The following SPATA1 variants were observed in gnomAD, a reference collection of about 807,000 sequenced individuals.
SPATA1 encodes the protein spermatogenesis-associated protein 1.
Under a neutral mutation model 59.6 loss-of-function variants are expected in SPATA1, and 57 were observed. That is an observed-to-expected ratio of 0.96 (90% CI 0.77 to 1.19). SPATA1 has a LOEUF of 1.19. Among genes scored for constraint, SPATA1 ranks in the 50% most tolerant of loss-of-function variants. The pLI, the probability that SPATA1 is intolerant of heterozygous loss-of-function variation, is 0.00. For missense variants in SPATA1, 448 were observed against 480.7 expected, an observed-to-expected ratio of 0.93 and a Z score of 0.64; for synonymous variants, 147 against 163.9, an observed-to-expected ratio of 0.90 and a Z score of 0.79.
exon 3 of SPATA1, chr1:84,520,642 A>G: frequency 6.3e-7 from 1 of 1,581,508 alleles, no homozygotes. Context: ...TAAGCTAAAT[A>G]CCATTTCAAC....
intron 2 of SPATA1, 89 bp downstream of exon 2, chr1:84,516,484 A>G: frequency 1.3e-6 from 1 of 763,088 alleles, no homozygotes; most frequent in Non-Finnish European, 2.1e-6. Flanking sequence ...CATAGATTAT[A>G]TAAAGTATTA....
intron 10 of SPATA1, among the ~76,000 whole-genome samples, chr1:84,547,366 GC>G (rs1684125140): frequency 6.6e-6 from 1 of 152,074 alleles, no homozygotes; most frequent in Admixed American, 6.6e-5. Flanking sequence ...GTATGTATTG[GC>G]CATAAAATAT....
intron 12 of SPATA1, chr1:84,551,243 CTCA>C: frequency 3.0e-6 from 3 of 984,904 alleles, no homozygotes; most frequent in Non-Finnish European, 3.6e-6. Context: ...TATGAATGCT[CTCA>C]TTTCTTTATC....
chr1:84,562,200 T>G (rs1201246349), intron 4 of SPATA1, among the ~76,000 whole-genome samples: 1 of 152,228 alleles, frequency 6.6e-6, no homozygotes, highest in African/African-American at 2.4e-5. Flanking sequence ...TATATAGTGT[T>G]TTTCTAAATA....
intron 3 of SPATA1, among the ~76,000 whole-genome samples, chr1:84,520,908 C>A (rs144271985): frequency 6.6e-6 from 1 of 152,066 alleles, no homozygotes; most frequent in African/African-American, 2.4e-5. Flanking sequence ...ATACTACCAC[C>A]CAGAAAACAG....
chr1:84,550,671 A>G, intron 12 of SPATA1, 141 bp downstream of exon 12: 13 of 1,219,420 alleles, frequency 1.1e-5, no homozygotes, highest in Non-Finnish European at 1.2e-5. Context: ...AGTAAAGAGC[A>G]TAGGTGAAAA....
At position 84,533,614 on chromosome 1, in the gene SPATA1, G is replaced by A. The variant is rs191402187; in HGVS notation, c.660-95G>A. On this transcript the variant is annotated intron_variant, in intron 7 of 12. Coordinates refer to ENST00000490879, the Ensembl canonical transcript of SPATA1. ...GACTTTGAAAATTTTCAATATTTGT[G>A]TTTACAGAGCATCAAATAAAATACA... The A allele has an allele frequency of 1.7e-4, 173 of 1,001,360 alleles. No homozygotes were observed. In the African/African-American group the frequency reaches 2.5e-3, roughly 14 times the overall value. 62.0% of individuals were successfully genotyped at this position (1,001,360 alleles called of 1,614,324 possible).
At chr1:84,559,143 C>T (rs1684535824), downstream of SPATA1, among the ~76,000 whole-genome samples, 1 of 152,142 alleles carries the variant, frequency 6.6e-6, no homozygotes, top group Non-Finnish European at 1.5e-5. Flanking sequence ...AACAAGTCTA[C>T]TGGTGCCATT....
chr1:84,555,189 C>T, downstream of SPATA1: 2 of 1,610,614 alleles, frequency 1.2e-6, no homozygotes, highest in South Asian at 1.1e-5. Flanking sequence ...ATGAAAGTGG[C>T]CAGCAGGATC....
downstream of SPATA1, among the ~76,000 whole-genome samples, chr1:84,556,363 A>T (rs1684428636): frequency 6.6e-6 from 1 of 152,188 alleles, no homozygotes; most frequent in Non-Finnish European, 1.5e-5. Flanking sequence ...GCATTTCTGA[A>T]TTAATGCCAG....
chr1:84,563,682 C>T (rs1684635980), intron 4 of SPATA1: 3 of 1,060,962 alleles, frequency 2.8e-6, no homozygotes, highest in Non-Finnish European at 4.0e-6. Flanking sequence ...AACAGAGAGA[C>T]TCTAAAAAAT....
chr1:84,564,680 G>A (rs1211911080), intron 4 of SPATA1, among the ~76,000 whole-genome samples: 1 of 152,066 alleles, frequency 6.6e-6, no homozygotes, highest in Middle Eastern at 3.2e-3. Flanking sequence ...TGTCTTGCCT[G>A]AAACACAGTT....
At chr1:84,518,526 A>G (rs928121037) in intron 2 of SPATA1, among the ~76,000 whole-genome samples, 1 of 152,096 alleles carries the variant, frequency 6.6e-6, no homozygotes, top group Non-Finnish European at 1.5e-5. Flanking sequence ...AAATAAAAAT[A>G]TATGTCAGAT....
intron 1 of SPATA1, chr1:84,507,378 A>G (rs1337291945): frequency 6.6e-6 from 1 of 152,236 alleles, no homozygotes; most frequent in African/African-American, 2.4e-5. Flanking sequence ...TACTTAATTC[A>G]TACGGATGTA....
At chr1:84,520,473 A>C (rs1682977572) in intron 2 of SPATA1, 112 bp from the exon 3 acceptor site, 2 of 699,488 alleles carry the variant, frequency 2.9e-6, no homozygotes, top group South Asian at 4.5e-5. Context: ...GGATGTATGT[A>C]TTCCATGTTT....
At chr1:84,550,977 G>A (rs900465366) in intron 12 of SPATA1, 10 of 983,726 alleles carry the variant, frequency 1.0e-5, no homozygotes, top group Non-Finnish European at 1.2e-5. Flanking sequence ...TCTACTAGAT[G>A]TTAAGTTTCC....
At chr1:84,555,689 G>A (rs112684718), downstream of SPATA1, among the ~76,000 whole-genome samples, 166 of 152,294 alleles carry the variant, frequency 1.1e-3, 1 homozygote, top group African/African-American at 3.7e-3. Flanking sequence ...TAGCCAAGGC[G>A]TACATCTGAA....
chr1:84,539,989 C>G (rs1053809206), intron 8 of SPATA1, among the ~76,000 whole-genome samples: 1 of 152,134 alleles, frequency 6.6e-6, no homozygotes, highest in East Asian at 1.9e-4. Context: ...TCATTTAATG[C>G]CTTTTTGGCC....
At chr1:84,535,272 C>A (rs1317648910) in intron 8 of SPATA1, among the ~76,000 whole-genome samples, 2 of 151,912 alleles carry the variant, frequency 1.3e-5, no homozygotes, top group African/African-American at 4.8e-5. Context: ...TATCAGATAG[C>A]GTAAGATTTC....
Sources: allele counts gnomAD v4.1 joint callset (sites outside exome capture counted in the v4.1 genomes callset), GRCh38; gene constraint gnomAD v4.1.1; transcripts MANE v1.5; gene names NCBI Gene and HGNC (gene_info 2026-07-23, HGNC 2026-07-21).